OTULIN: variants seen among roughly 807,000 people sequenced by gnomAD.
The protein encoded by OTULIN is OTU deubiquitinase with linear linkage specificity.
Under a neutral mutation model 39.6 loss-of-function variants are expected in OTULIN, and 15 were observed. That is an observed-to-expected ratio of 0.38 (90% CI 0.25 to 0.58). The LOEUF (loss-of-function observed/expected upper bound fraction) is 0.58. Ranked by LOEUF, OTULIN falls within the 20% of genes least tolerant of loss-of-function variation. The pLI, the probability that OTULIN is intolerant of heterozygous loss-of-function variation, is 0.66. For synonymous variants in OTULIN, 156 were observed against 170.3 expected (o/e 0.92, Z 0.65); for missense variants, 319 against 445.9 (o/e 0.72, Z 2.56).
intron 6 of OTULIN, 85 bp from the exon 7 acceptor site, chr5:14,692,769 C>A: frequency 8.2e-7 from 1 of 1,220,668 alleles, no homozygotes; most frequent in Non-Finnish European, 1.2e-6. Context: ...TTGCTGTGCA[C>A]TGTGGGATAA....
rs573298341 is a variant in OTULIN, at chr5:14,680,295, TG to T, written c.325-1164del. Among the ~76,000 whole-genome samples the T allele has an allele frequency of 1.4e-3, 206 of 152,228 alleles. 1 individual carries two copies. The highest frequency in any genetic ancestry group is 3.4e-3 in the Middle Eastern group (1 of 294). On this transcript the variant is annotated intron_variant, in intron 3 of 6. Transcript: ENST00000284274. ...AATGCAACCCTCAAAATGTTGTTATTGGGGGAAAAAAGTACTTTTATATTCA... is the reference window on the plus strand; with the variant it reads ...AATGCAACCCTCAAAATGTTGTTATTGGGGAAAAAAGTACTTTTATATTCA...
At chr5:14,708,236 C>A in the OTULIN span, 1 of 152,208 alleles carries the variant, frequency 6.6e-6, no homozygotes, top group South Asian at 2.1e-4. Flanking sequence ...TTACTATTTC[C>A]TATGCTTTGA....
At position 14,692,956 on chromosome 5, in the gene OTULIN, C is replaced by G; in HGVS notation, c.967C>G (p.Pro323Ala). 6.2e-7 allele frequency: 1 copy of G among 1,614,214 alleles called. No homozygotes were observed. The highest frequency in any genetic ancestry group is 8.5e-7 in the Non-Finnish European group (1 of 1,180,046). Residue 323 changes from proline (P) to alanine (A), a missense_variant, in exon 7 of 7, where the codon CCA becomes GCA. Physicochemically the swap from Pro to Ala is conservative, Grantham distance 27. Coordinates refer to ENST00000284274, the MANE Select transcript of OTULIN (RefSeq NM_138348.6). ...EEFITVYPTDPPKDWPVVTLI... is the reference protein window; with the variant it reads ...EEFITVYPTDAPKDWPVVTLI... ...ATTCATCACAGTCTACCCCACCGAC[C>G]CACCCAAGGACTGGCCAGTGGTAAC...
intron 2 of OTULIN, among the ~76,000 whole-genome samples, chr5:14,674,588 CTACAAAAAA>C (rs1359032636): frequency 6.6e-6 from 1 of 152,050 alleles, no homozygotes; most frequent in Non-Finnish European, 1.5e-5. Flanking sequence ...GACCTTGTGT[CTACAAAAAA>C]TACAAAAATT....
At chr5:14,687,929 C>G (rs1269844403) in intron 5 of OTULIN, 3 of 213,714 alleles carry the variant, frequency 1.4e-5, no homozygotes, top group Non-Finnish European at 2.7e-5. Flanking sequence ...GTCTTTGTTC[C>G]AAGTCATATT....
At chr5:14,691,490 A>G (rs2126337306) in intron 6 of OTULIN, among the ~76,000 whole-genome samples, 1 of 152,352 alleles carries the variant, frequency 6.6e-6, no homozygotes, top group South Asian at 2.1e-4. Flanking sequence ...CTCCTGAACC[A>G]TAGCAAGTAC....
chr5:14,690,072 G>A lies in OTULIN; in HGVS notation c.628G>A (p.Ala210Thr), dbSNP rs768736251. 6.2e-7 allele frequency: 1 copy of A among 1,614,160 alleles called. No individual in the cohort carries two copies. Among genetic ancestry groups the A allele is most frequent in the Non-Finnish European group, 8.5e-7 (1 of 1,180,008 alleles). ...AGLAEMRTAE[A>T]RQIACDELFT... ...CTTGGCTGAAATGAGAACTGCTGAA[G>A]CAAGACAGATAGCTTGTGATGAACT... Residue 210 changes from alanine (A) to threonine (T), a missense_variant, in exon 6 of 7, where the codon GCA (alanine) becomes ACA (threonine). By Grantham distance (58) the Ala-to-Thr change is moderately conservative. Around this residue, in one of 4 missense-constraint regions of OTULIN, gnomAD observed 106 missense variants for 192.8 expected, o/e 0.55. Transcript: ENST00000284274. This position sits in a 1 kb window ranked among gnomAD's most constrained non-coding sequence, Gnocchi z 4.5.
At chr5:14,711,600 T>C in the OTULIN span, among the ~76,000 whole-genome samples, 1 of 152,224 alleles carries the variant, frequency 6.6e-6, no homozygotes, top group Non-Finnish European at 1.5e-5. Flanking sequence ...CCCTTTCCAA[T>C]GAGGGCTGCG....
Position 14,693,195 on chromosome 5 carries a change from A to G in OTULIN, c.*147A>G, listed in dbSNP as rs987450711. On this transcript the variant is annotated 3_prime_UTR_variant, in exon 7 of 7. Transcript: ENST00000284274. ...AGCCAAGTTGGACAGGATGTCCTGA[A>G]GACTAGCTTTTGATAAGAGAAATTA... 1.5e-6 allele frequency: 1 copy of G among 654,928 alleles called. No homozygotes were observed. Among genetic ancestry groups the G allele is most frequent in the Middle Eastern group, 3.7e-4 (1 of 2,684 alleles). The allele number at this position is 654,928 out of a possible 1,614,324, so 40.6% of individuals were successfully genotyped here.
At chr5:14,703,909 G>A (rs949522773), downstream of OTULIN, among the ~76,000 whole-genome samples, 1 of 152,182 alleles carries the variant, frequency 6.6e-6, no homozygotes, top group African/African-American at 2.4e-5. Context: ...AATCCCAAGC[G>A]AGTCTGTAGG....
chr5:14,673,743 TAG>T (rs781404969), intron 2 of OTULIN, 25 bp downstream of exon 2: 92 of 1,595,834 alleles, frequency 5.8e-5, no homozygotes, highest in Non-Finnish European at 6.9e-5. Flanking sequence ...GTTTTATTTA[TAG>T]AGTTCTTATT....
chr5:14,670,596 T>A (rs1018605929), intron 1 of OTULIN, among the ~76,000 whole-genome samples: 1 of 152,162 alleles, frequency 6.6e-6, no homozygotes, highest in African/African-American at 2.4e-5. Context: ...GATTATTTTT[T>A]AAAAATTAAT....
At chr5:14,668,454 G>T (rs989797896) in intron 1 of OTULIN, among the ~76,000 whole-genome samples, 3 of 152,200 alleles carry the variant, frequency 2.0e-5, no homozygotes, top group Non-Finnish European at 4.4e-5. Context: ...TTGATGTGTT[G>T]TTCACCCATC....
At chr5:14,714,033 T>G in the OTULIN span, among the ~76,000 whole-genome samples, 5 of 152,240 alleles carry the variant, frequency 3.3e-5, no homozygotes, top group Non-Finnish European at 7.4e-5. Context: ...CAGAGAAAAG[T>G]GGCACTCTAG....
At position 14,698,598 on chromosome 5, in the gene OTULIN, T is replaced by C. The variant is rs1258128157; in HGVS notation, c.*5550T>C. The C allele has an allele frequency of 6.6e-6, 1 of 152,182 alleles. No individual in the cohort carries two copies. The highest frequency in any genetic ancestry group is 2.4e-5 in the African/African-American group (1 of 41,438). The allele number at this position is 152,182 out of a possible 1,614,324, so 9.4% of individuals were successfully genotyped here. On this transcript the variant is annotated 3_prime_UTR_variant, in exon 7 of 7. Transcript: ENST00000284274. ...AATAACTAAAAATAAACTTAGAAAA[T>C]ACAACTCAGAAGCCTGGCTCTGTTG...
chr5:14,711,229 CTG>C, the OTULIN span: 1 of 1,614,046 alleles, frequency 6.2e-7, no homozygotes. Context: ...TCCACGATGT[CTG>C]TCACCTCCTC....
chr5:14,690,022 T>C lies in OTULIN; in HGVS notation c.595-17T>C, dbSNP rs1443867368. 3 of 1,602,606 alleles carry C rather than the reference T, an allele frequency of 1.9e-6. No homozygotes were observed. The highest frequency in any genetic ancestry group is 2.7e-5 in the African/African-American group (2 of 74,180). ...TAGAACAAAAATTCTAATTATTACA[T>C]AACTTTCTTATTGTAGTGGGCAGGC... On this transcript the variant is annotated splice_polypyrimidine_tract_variant and intron_variant, in intron 5 of 6. Transcript: ENST00000284274. This position sits in a 1 kb window ranked among gnomAD's most constrained non-coding sequence, Gnocchi z 4.5.
intron 1 of OTULIN, among the ~76,000 whole-genome samples, chr5:14,666,317 A>G (rs1735843279): frequency 1.3e-5 from 2 of 152,238 alleles, no homozygotes; most frequent in South Asian, 2.1e-4. Flanking sequence ...AATGATAGGA[A>G]GAGTGCTCTT....
rs1736703417 is a variant in OTULIN at position 14,697,593 on chromosome 5, A to G, written c.*4545A>G. 6.6e-6 allele frequency: 1 copy of G among 152,194 alleles called. No individual in the cohort carries two copies. The highest frequency in any genetic ancestry group is 1.5e-5 in the Non-Finnish European group (1 of 68,022). The allele number at this position is 152,194 out of a possible 1,614,324, so 9.4% of individuals were successfully genotyped here. A position where few individuals can be genotyped will look rare whatever the true frequency, so the allele number is the denominator to read the frequency against. ...GGTTAAGTCTAGAAACACATACATT[A>G]ATTGTATTGAAATGTTATATCAATA... is the stretch of plus-strand genomic sequence containing the variant. On this transcript the variant is annotated 3_prime_UTR_variant, in exon 7 of 7. Coordinates refer to ENST00000284274, the MANE Select transcript of OTULIN (RefSeq NM_138348.6).
Sources: allele counts gnomAD v4.1 joint callset (sites outside exome capture counted in the v4.1 genomes callset), GRCh38; gene constraint gnomAD v4.1.1; regional missense constraint gnomAD v4.1.1; non-coding constraint Gnocchi (gnomAD v3.1); transcripts MANE v1.5; gene names NCBI Gene and HGNC (gene_info 2026-07-23, HGNC 2026-07-21).